The following CIB3 variants were observed in gnomAD, a reference collection of about 807,000 sequenced individuals.
CIB3 encodes calcium and integrin binding family member 3, also known as calcium and integrin-binding family member 3.
CIB3 carries 22 observed loss-of-function variants against 23.4 expected under a neutral mutation model. The ratio of observed to expected loss-of-function variants is 0.94; its 90% CI spans 0.67 to 1.34. The LOEUF is 1.34. Ranked by LOEUF, CIB3 falls within the 40% of genes most tolerant of loss-of-function variation. CIB3 has a pLI of 0.00. For synonymous variants in CIB3, 93 were observed against 95.8 expected, an observed-to-expected ratio of 0.97 and a Z score of 0.17; for missense variants, 258 against 247.3, an observed-to-expected ratio of 1.04 and a Z score of -0.29.
intron 4 of CIB3, among the ~76,000 whole-genome samples, chr19:16,165,604 C>T (rs531156300): frequency 2.0e-5 from 3 of 152,026 alleles, no homozygotes; most frequent in South Asian, 4.2e-4. Context: ...CCACCATGCC[C>T]GGCTAATTTT....
At chr19:16,161,631 C>G (rs899778098) in intron 5 of CIB3, 145 bp from the exon 6 acceptor site, 3 of 736,568 alleles carry the variant, frequency 4.1e-6, no homozygotes, top group African/African-American at 3.5e-5. Context: ...GGCCGGGAGA[C>G]CCCTACAGGG....
chr19:16,166,803 G>A (rs557247180), intron 4 of CIB3, among the ~76,000 whole-genome samples: 2 of 152,328 alleles, frequency 1.3e-5, no homozygotes, highest in African/African-American at 2.4e-5. Context: ...ATGGTGGCAG[G>A]GCACGGTGGC....
chr19:16,168,677 A>G (rs765622112), intron 3 of CIB3, among the ~76,000 whole-genome samples: 14 of 152,156 alleles, frequency 9.2e-5, no homozygotes, highest in South Asian at 6.2e-4. Flanking sequence ...CAGAAGCTAA[A>G]GCTGAGTGGC....
intron 1 of CIB3, 95 bp downstream of exon 1, chr19:16,173,330 A>C: frequency 1.3e-6 from 2 of 1,558,050 alleles, no homozygotes; most frequent in Non-Finnish European, 1.8e-6. Context: ...ACCCAGGCGG[A>C]CGGTACACCC....
intron 4 of CIB3, among the ~76,000 whole-genome samples, 164 bp from the exon 5 acceptor site, chr19:16,165,077 T>A (rs2091300611): frequency 6.6e-6 from 1 of 152,034 alleles, no homozygotes; most frequent in South Asian, 2.1e-4. Flanking sequence ...GTGGAACACC[T>A]GAGGTCAGGA....
intron 5 of CIB3, 79 bp from the exon 6 acceptor site, chr19:16,161,565 G>C (rs1418511989): frequency 1.3e-6 from 2 of 1,503,876 alleles, no homozygotes; most frequent in Middle Eastern, 1.7e-4. Context: ...ACACGCTCAC[G>C]GCAAGTCCCT....
rs777650693 is a variant in CIB3 at position 16,169,648 on chromosome 19, G to A, written c.180C>T (p.Gly60=). The A allele has an allele frequency of 1.2e-6, 2 of 1,613,486 alleles. No homozygotes were observed. Among genetic ancestry groups the A allele is most frequent in the Non-Finnish European group, 8.5e-7 (1 of 1,179,600 alleles). The change falls in exon 3 of 6, where the codon GGC becomes GGT. Residue 60 remains glycine, a synonymous_variant. Transcript: ENST00000269878. ...PDVKVPYELI[G]SMPELKDNPF... ...GGCATACCTTCAGCTCGGGCATGCT[G>A]CCAATGAGCTCGTAGGGCACCTTCA...
chr19:16,161,562 C>G (rs538379013), intron 5 of CIB3, 76 bp from the exon 6 acceptor site: 672 of 1,512,034 alleles, frequency 4.4e-4, no homozygotes, highest in Non-Finnish European at 5.8e-4. Flanking sequence ...TCAACACGCT[C>G]ACGGCAAGTC....
intron 5 of CIB3, among the ~76,000 whole-genome samples, 187 bp from the exon 6 acceptor site, chr19:16,161,673 C>CTTTTTTTTTT (rs55969649): frequency 1.0e-5 from 1 of 100,056 alleles, no homozygotes. Context: ...TTTTTTAATT[C>CTTTTTTTTTT]TTTTTTTTTT....
Position 16,169,722 on chromosome 19 carries a change from C to G in CIB3, c.106G>C (p.Asp36His). 6 of 1,611,294 alleles carry G rather than the reference C, an allele frequency of 3.7e-6. No homozygotes were observed. The highest frequency in any genetic ancestry group is 5.1e-6 in the Non-Finnish European group (6 of 1,178,674). ...AGGGGCACGAGCTGTGGGGCCAGGT[C>G]CTGGTAGCGATAGAAGAGCCTGATG... is the stretch of plus-strand genomic sequence containing the variant. Reference protein sequence around the residue: ...EIMRLFYRYQDLAPQLVPLDY... With the variant: ...EIMRLFYRYQHLAPQLVPLDY... The change falls in exon 3 of 6, where the codon GAC becomes CAC. Residue 36 changes from aspartate to histidine, a missense_variant. Physicochemically the swap from Asp to His is moderately conservative, Grantham distance 81. Coordinates refer to ENST00000269878, the MANE Select transcript of CIB3 (RefSeq NM_054113.4).
At chr19:16,172,536 G>T (rs1317702397) in intron 2 of CIB3, among the ~76,000 whole-genome samples, 2 of 152,146 alleles carry the variant, frequency 1.3e-5, no homozygotes, top group Non-Finnish European at 2.9e-5. Flanking sequence ...TTGGGAGAAA[G>T]CCCAAGCTCA....
rs1315751706 is a variant in CIB3, at chr19:16,168,218, C to A, written c.265G>T (p.Asp89Tyr). ...SEDGDGHMTL[D>Y]NFLDMFSVMS... ...ACGGAAAACATGTCCAAAAAGTTGTCCAGGGTCATGTGGCCATCCCCATCC... is the reference window on the plus strand; with the variant it reads ...ACGGAAAACATGTCCAAAAAGTTGTACAGGGTCATGTGGCCATCCCCATCC... The change falls in exon 4 of 6, where the codon GAC (aspartate) becomes TAC (tyrosine). Residue 89 changes from aspartate to tyrosine, a missense_variant. Transcript: ENST00000269878. 3.1e-6 allele frequency: 5 copies of A among 1,613,604 alleles called. No homozygotes were observed. Among genetic ancestry groups the A allele is most frequent in the Non-Finnish European group, 4.2e-6 (5 of 1,179,842 alleles).
intron 5 of CIB3, among the ~76,000 whole-genome samples, chr19:16,162,281 A>G (rs1021622144): frequency 2.7e-5 from 4 of 147,458 alleles, no homozygotes; most frequent in African/African-American, 1.0e-4. Context: ...TTAGTTAGCT[A>G]GGCGTGGTGG....
At position 16,173,427 on chromosome 19, in the gene CIB3, G is replaced by T; in HGVS notation, c.49C>A (p.Gln17Lys). The T allele has an allele frequency of 6.2e-7, 1 of 1,613,718 alleles. No homozygotes were observed. The highest frequency in any genetic ancestry group is 8.5e-7 in the Non-Finnish European group (1 of 1,179,650). Reference sequence around the variant, plus strand: ...GGACCCATCCTGCCCCCCTCTACCTGATACGCTTCCAGCTGCTCGTGTGTG... The same window carrying T: ...GGACCCATCCTGCCCCCCTCTACCTTATACGCTTCCAGCTGCTCGTGTGTG... ...VFTHEQLEAY[Q>K]DCTFFTRKEI... Residue 17 changes from glutamine (Q) to lysine (K), a missense_variant and splice_region_variant, in exon 1 of 6, where the codon CAG becomes AAG. Gln to Lys is a moderately conservative substitution (Grantham distance 53, BLOSUM62 1). Coordinates refer to ENST00000269878, the MANE Select transcript of CIB3 (RefSeq NM_054113.4).
rs747568946 is a variant in CIB3, at chr19:16,169,653, T to A, written c.175A>T (p.Ile59Phe). Residue 59 changes from isoleucine to phenylalanine, a missense_variant, in exon 3 of 6, where the codon ATT (isoleucine) becomes TTT (phenylalanine). By Grantham distance (21) the Ile-to-Phe change is conservative. Coordinates refer to ENST00000269878, the MANE Select transcript of CIB3 (RefSeq NM_054113.4). ...ACCTTCAGCTCGGGCATGCTGCCAA[T>A]GAGCTCGTAGGGCACCTTCACATCG... ...CPDVKVPYEL[I>F]GSMPELKDNP... The A allele has an allele frequency of 6.2e-7, 1 of 1,613,544 alleles. No homozygotes were observed. Among genetic ancestry groups the A allele is most frequent in the African/African-American group, 1.3e-5 (1 of 74,914 alleles).
chr19:16,163,253 T>C lies in CIB3; in HGVS notation c.542+1465A>G, dbSNP rs140465359. On this transcript the variant is annotated intron_variant, in intron 5 of 5. Transcript: ENST00000269878. ...CAGTCTGGGTCACTGAGTGAGACCCTGTCTCAAAACAAACAAACGGGCTGG... is the reference window on the plus strand; with the variant it reads ...CAGTCTGGGTCACTGAGTGAGACCCCGTCTCAAAACAAACAAACGGGCTGG... Among the ~76,000 whole-genome samples the C allele has an allele frequency of 3.6e-3, 555 of 152,222 alleles. 3 individuals are homozygous for C. The highest frequency in any genetic ancestry group is 5.4e-3 in the South Asian group (26 of 4,830).
chr19:16,168,219 C>T lies in CIB3; in HGVS notation c.264G>A (p.Leu88=). 1 of 1,613,572 alleles carries T rather than the reference C, an allele frequency of 6.2e-7. No individual in the cohort carries two copies. The highest frequency in any genetic ancestry group is 2.2e-5 in the East Asian group (1 of 44,878). The part of the protein sequence containing the change: ...FSEDGDGHMT[L]DNFLDMFSVM... ...CGGAAAACATGTCCAAAAAGTTGTCCAGGGTCATGTGGCCATCCCCATCCT... is the reference window on the plus strand; with the variant it reads ...CGGAAAACATGTCCAAAAAGTTGTCTAGGGTCATGTGGCCATCCCCATCCT... The change falls in exon 4 of 6, where the codon CTG becomes CTA. Residue 88 remains leucine, a synonymous_variant. Coordinates refer to ENST00000269878, the MANE Select transcript of CIB3 (RefSeq NM_054113.4).
intron 5 of CIB3, among the ~76,000 whole-genome samples, chr19:16,162,886 C>CTT (rs373689760): frequency 1.2e-3 from 127 of 102,412 alleles, no homozygotes; most frequent in Middle Eastern, 5.2e-3. Context: ...CTTTTCTTTT[C>CTT]TTTTTTTTTT....
At chr19:16,167,488 G>A (rs1199128583) in intron 4 of CIB3, among the ~76,000 whole-genome samples, 1 of 152,110 alleles carries the variant, frequency 6.6e-6, no homozygotes, top group Non-Finnish European at 1.5e-5. Flanking sequence ...GGTGGGATGG[G>A]GGGATGAATG....
Sources: allele counts gnomAD v4.1 joint callset (sites outside exome capture counted in the v4.1 genomes callset), GRCh38; gene constraint gnomAD v4.1.1; transcripts MANE v1.5; gene names NCBI Gene and HGNC (gene_info 2026-07-23, HGNC 2026-07-21).